MGAT4C: variants seen among roughly 807,000 people sequenced by gnomAD.
MGAT4C encodes MGAT4 family member C, also known as alpha-1,3-mannosyl-glycoprotein 4-beta-N-acetylglucosaminyltransferase C.
Under a neutral mutation model 40.1 loss-of-function variants are expected in MGAT4C, and 19 were observed. The observed-to-expected ratio is 0.47, with a 90% confidence interval of 0.33 to 0.70. The LOEUF is 0.70. Among genes scored for constraint, MGAT4C ranks in the 30% least tolerant of loss-of-function variants. MGAT4C has a pLI of 0.02. For synonymous variants in MGAT4C, 181 were observed against 187.1 expected, an observed-to-expected ratio of 0.97 and a Z score of 0.27; for missense variants, 491 against 563.2, an observed-to-expected ratio of 0.87 and a Z score of 1.30.
intron 1 of MGAT4C, among the ~76,000 whole-genome samples, chr12:86,157,062 G>T (rs970313954): frequency 2.0e-4 from 31 of 151,676 alleles, no homozygotes; most frequent in African/African-American, 7.5e-4. Context: ...TTCAAAATTG[G>T]TAAGTATAGA....
chr12:86,656,650 TAAG>T (rs1356817838), intron 2 of MGAT4C, among the ~76,000 whole-genome samples: 1 of 152,066 alleles, frequency 6.6e-6, no homozygotes, highest in Non-Finnish European at 1.5e-5. Context: ...GAAAACATCT[TAAG>T]GAGTACACTG....
intron 2 of MGAT4C, among the ~76,000 whole-genome samples, chr12:86,467,797 C>T (rs912887005): frequency 1.3e-5 from 2 of 151,956 alleles, no homozygotes; most frequent in African/African-American, 4.8e-5. Flanking sequence ...TTCCAGGATT[C>T]TTGAGATAAA....
intron 3 of MGAT4C, among the ~76,000 whole-genome samples, chr12:86,408,479 C>CTGTATATA (rs1267344319): frequency 3.2e-5 from 2 of 63,344 alleles, no homozygotes; most frequent in African/African-American, 1.6e-4. Flanking sequence ...CTCTCTCTCT[C>CTGTATATA]TATATATATA....
intron 1 of MGAT4C, among the ~76,000 whole-genome samples, chr12:86,750,370 A>G (rs1678772193): frequency 6.6e-6 from 1 of 151,882 alleles, no homozygotes; most frequent in South Asian, 2.1e-4. Context: ...CTTGAATATC[A>G]TTAGTCACGG....
At chr12:86,316,623 A>G (rs1400025882) in intron 4 of MGAT4C, among the ~76,000 whole-genome samples, 1 of 152,180 alleles carries the variant, frequency 6.6e-6, no homozygotes, top group Non-Finnish European at 1.5e-5. Flanking sequence ...GTACAAAACA[A>G]AACAAAAAAA....
At chr12:86,175,133 T>C (rs1296435058) in intron 1 of MGAT4C, among the ~76,000 whole-genome samples, 2 of 152,166 alleles carry the variant, frequency 1.3e-5, no homozygotes, top group South Asian at 2.1e-4. Context: ...TTATTGTAGA[T>C]ACATTTGCCT....
At chr12:86,081,186 G>C (rs1024262501) in intron 1 of MGAT4C, among the ~76,000 whole-genome samples, 1 of 152,072 alleles carries the variant, frequency 6.6e-6, no homozygotes, top group Non-Finnish European at 1.5e-5. Context: ...ATAAAAAAAA[G>C]ACACTTGAAC....
In MGAT4C at chr12:86,762,839, A is replaced by G. The variant is rs1330435796; in HGVS notation, c.-261-35598T>C. ...TTCAAAACAGACAAATAAAAGAGCC[A>G]TATTGATGATGCTCAATGCTCCATT... is the stretch of plus-strand genomic sequence containing the variant. On this transcript the variant is annotated intron_variant, in intron 1 of 7. Transcript: ENST00000548651. 2.0e-5 allele frequency among the ~76,000 whole-genome samples: 3 copies of G among 152,250 alleles called. No individual in the cohort carries two copies. In the East Asian group the frequency reaches 5.8e-4, roughly 29 times the overall value.
intron 1 of MGAT4C, among the ~76,000 whole-genome samples, chr12:86,122,499 C>T (rs978299815): frequency 2.6e-5 from 4 of 152,088 alleles, no homozygotes; most frequent in Non-Finnish European, 5.9e-5. Context: ...TGACACTTTT[C>T]ATCTTATCTA....
At chr12:86,237,695 C>G (rs896388456) in intron 1 of MGAT4C, among the ~76,000 whole-genome samples, 6 of 151,736 alleles carry the variant, frequency 4.0e-5, no homozygotes, top group Admixed American at 3.9e-4. Context: ...CTTTGAAGCT[C>G]ACAGTCTACT....
chr12:86,510,847 C>G (rs1339912992), intron 2 of MGAT4C, among the ~76,000 whole-genome samples: 2 of 152,044 alleles, frequency 1.3e-5, no homozygotes, highest in African/African-American at 4.8e-5. Flanking sequence ...AAAGCAAGTC[C>G]TGGGTGACCT....
At chr12:86,606,180 C>T (rs951963491) in intron 2 of MGAT4C, among the ~76,000 whole-genome samples, 13 of 151,956 alleles carry the variant, frequency 8.6e-5, no homozygotes, top group Non-Finnish European at 1.3e-4. Context: ...TATTTTTTGA[C>T]GCATGGGGAT....
chr12:86,568,611 A>C (rs911379359), intron 2 of MGAT4C, among the ~76,000 whole-genome samples: 1 of 150,626 alleles, frequency 6.6e-6, no homozygotes, highest in African/African-American at 2.4e-5. Flanking sequence ...ACAGACTCTA[A>C]ATAGCCAAAG....
rs149721918 is a variant in MGAT4C, at chr12:86,186,731, C to T, written c.-57+69508G>A. On this transcript the variant is annotated intron_variant, in intron 1 of 4. Coordinates refer to ENST00000611864, the MANE Select transcript of MGAT4C (RefSeq NM_001351288.2). ...TCTTTGGGTCAACAACTTGACTGCA[C>T]AATCTGTAGTTTCAAGCTTATCATG... Among the ~76,000 whole-genome samples the T allele has an allele frequency of 2.6e-3, 398 of 152,182 alleles. 2 individuals are homozygous for T. The highest frequency in any genetic ancestry group is 9.1e-3 in the African/African-American group (377 of 41,544).
In MGAT4C at chr12:86,629,035, G is replaced by A. The variant is rs1962926400; in HGVS notation, c.-229+98174C>T. Among the ~76,000 whole-genome samples the A allele has an allele frequency of 2.0e-5, 3 of 151,788 alleles. No homozygotes were observed. In the South Asian group the frequency reaches 6.2e-4, roughly 32 times the overall value. ...ATTTCATATGCAGAGACACACATAG[G>A]CTCAAAATAAAGGGATGGAGGAAGA... On this transcript the variant is annotated intron_variant, in intron 2 of 7. Transcript: ENST00000548651.
chr12:86,150,105 G>T lies in MGAT4C; in HGVS notation c.-56-100382C>A, dbSNP rs1038390512. On this transcript the variant is annotated intron_variant, in intron 1 of 4. Coordinates refer to ENST00000611864, the MANE Select transcript of MGAT4C (RefSeq NM_001351288.2). ...TTCCACCTCAGATCATCAGGCATTA[G>T]TTAGATTCTCATAAGAAGTACACAA... 2.0e-5 allele frequency among the ~76,000 whole-genome samples: 3 copies of T among 152,264 alleles called. No individual in the cohort carries two copies. In the East Asian group the frequency reaches 5.8e-4, roughly 30 times the overall value.
chr12:86,047,984 T>C (rs1012874101), intron 2 of MGAT4C, among the ~76,000 whole-genome samples: 4 of 151,868 alleles, frequency 2.6e-5, no homozygotes, highest in East Asian at 1.9e-4. Flanking sequence ...ATGAATGAAA[T>C]TGATCATGAA....
chr12:86,453,146 A>C (rs1957455676), intron 2 of MGAT4C, among the ~76,000 whole-genome samples: 1 of 152,156 alleles, frequency 6.6e-6, no homozygotes, highest in Non-Finnish European at 1.5e-5. Flanking sequence ...CTCAAAGTGT[A>C]TATTTAAATC....
intron 2 of MGAT4C, among the ~76,000 whole-genome samples, chr12:86,607,130 T>C (rs1199643617): frequency 6.6e-6 from 1 of 152,054 alleles, no homozygotes; most frequent in East Asian, 1.9e-4. Context: ...TCTCATACTT[T>C]TTTCCCTTTT....
Sources: allele counts gnomAD v4.1 joint callset (sites outside exome capture counted in the v4.1 genomes callset), GRCh38; gene constraint gnomAD v4.1.1; transcripts MANE v1.5; gene names NCBI Gene and HGNC (gene_info 2026-07-23, HGNC 2026-07-21).